Variants in PLEKHS1 observed in about 807,000 individuals in gnomAD.
PLEKHS1 encodes pleckstrin homology domain-containing family S member 1.
A neutral mutation model predicts 51.0 loss-of-function variants in PLEKHS1; 55 were observed. That is an observed-to-expected ratio of 1.08 (90% CI 0.87 to 1.35). The LOEUF (loss-of-function observed/expected upper bound fraction) is 1.35. Among genes scored for constraint, PLEKHS1 ranks in the 40% most tolerant of loss-of-function variants. The probability of loss-of-function intolerance (pLI) is 0.00; values close to 1 mark genes in which losing one functional copy is unlikely to be tolerated. For synonymous variants in PLEKHS1, 153 were observed against 144.8 expected, an observed-to-expected ratio of 1.06 and a Z score of -0.41; for missense variants, 398 against 423.0, an observed-to-expected ratio of 0.94 and a Z score of 0.52.
chr10:113,767,418 C>T (rs1319589514), exon 5 of PLEKHS1: 2 of 1,612,744 alleles, frequency 1.2e-6, no homozygotes, highest in African/African-American at 2.7e-5. Context: ...TAAATGCCAC[C>T]CTGATGAGGT....
At chr10:113,774,545 C>T (rs186500641) in intron 9 of PLEKHS1, among the ~76,000 whole-genome samples, 40 of 152,270 alleles carry the variant, frequency 2.6e-4, no homozygotes, top group Middle Eastern at 6.8e-3. Context: ...GGACCTTTTC[C>T]GTCTCCTGAG....
intron 2 of PLEKHS1, among the ~76,000 whole-genome samples, chr10:113,756,578 A>G (rs993851929): frequency 1.3e-5 from 2 of 152,236 alleles, no homozygotes; most frequent in Non-Finnish European, 2.9e-5. Flanking sequence ...TGGAGTCTGA[A>G]GAAGAAAAAG....
intron 2 of PLEKHS1, among the ~76,000 whole-genome samples, chr10:113,756,913 C>CTTTTTTTTTT (rs397845343): frequency 9.1e-6 from 1 of 109,894 alleles, no homozygotes; most frequent in Non-Finnish European, 1.8e-5. Flanking sequence ...TTAGATTGGT[C>CTTTTTTTTTT]TTTTTTTTTT....
chr10:113,772,154 C>T lies in PLEKHS1; in HGVS notation c.672+65C>T, dbSNP rs1314028835. On this transcript the variant is annotated intron_variant, in intron 8 of 11. Transcript: ENST00000361048. ...AAATATTTACTGAAACCCTGCCATG[C>T]ACTTTTCGTGCAATATTAGGCTATG... 4.5e-6 allele frequency: 7 copies of T among 1,568,944 alleles called. No individual in the cohort carries two copies. In the Middle Eastern group the frequency reaches 5.0e-4, roughly 113 times the overall value.
At chr10:113,756,039 G>T (rs531302196) in intron 2 of PLEKHS1, among the ~76,000 whole-genome samples, 1 of 152,278 alleles carries the variant, frequency 6.6e-6, no homozygotes, top group African/African-American at 2.4e-5. Flanking sequence ...ACACTTCTTT[G>T]TAGATGAGTG....
At chr10:113,775,152 G>A (rs952161724) in intron 10 of PLEKHS1, 117 bp downstream of exon 10, 18 of 947,032 alleles carry the variant, frequency 1.9e-5, no homozygotes, top group Admixed American at 2.6e-5. Flanking sequence ...CTCCAAGTCA[G>A]CCAAAAACTT....
Position 113,768,896 on chromosome 10 carries a change from T to G in PLEKHS1, c.435+6T>G. 1 of 1,603,498 alleles carries G rather than the reference T, an allele frequency of 6.2e-7. No individual in the cohort carries two copies. Among genetic ancestry groups the G allele is most frequent in the Non-Finnish European group, 8.5e-7 (1 of 1,175,486 alleles). Reference sequence around the variant, plus strand: ...CAACACAGCAGAACACAGAGGTGACTCCATATCACTAATAAAATAACAGGG... The same window carrying G: ...CAACACAGCAGAACACAGAGGTGACGCCATATCACTAATAAAATAACAGGG... On this transcript the variant is annotated splice_donor_region_variant and intron_variant, in intron 6 of 11. Coordinates refer to ENST00000361048, the Ensembl canonical transcript of PLEKHS1.
At chr10:113,766,454 A>C in exon 3 of PLEKHS1, 1 of 1,603,142 alleles carries the variant, frequency 6.2e-7, no homozygotes, top group Non-Finnish European at 8.5e-7. Flanking sequence ...TCTGCAAACA[A>C]GATTACTTTA....
At chr10:113,766,589 C>G in intron 3 of PLEKHS1, 23 bp from the exon 4 acceptor site, 4 of 1,590,056 alleles carry the variant, frequency 2.5e-6, no homozygotes, top group Non-Finnish European at 3.4e-6. Flanking sequence ...TTAACTAAGA[C>G]ATAAAATCTT....
At chr10:113,778,479 CATCTT>C (rs1325256114) in intron 11 of PLEKHS1, among the ~76,000 whole-genome samples, 2 of 152,164 alleles carry the variant, frequency 1.3e-5, no homozygotes, top group African/African-American at 4.8e-5. Context: ...ATTAAGAACA[CATCTT>C]ATCTCTTCTG....
At chr10:113,774,196 G>A (rs2134562379) in intron 8 of PLEKHS1, 31 bp from the exon 9 acceptor site, 1 of 1,356,600 alleles carries the variant, frequency 7.4e-7, no homozygotes, top group Non-Finnish European at 1.0e-6. Context: ...CGGTAAACTG[G>A]GATTCTTACA....
chr10:113,770,865 A>T (rs1844371243), intron 7 of PLEKHS1, among the ~76,000 whole-genome samples: 1 of 152,168 alleles, frequency 6.6e-6, no homozygotes, highest in African/African-American at 2.4e-5. Context: ...GCTCGAGTTA[A>T]CAGTACTGTT....
chr10:113,770,407 G>C (rs1844351873), intron 7 of PLEKHS1, among the ~76,000 whole-genome samples: 1 of 152,154 alleles, frequency 6.6e-6, no homozygotes, highest in African/African-American at 2.4e-5. Flanking sequence ...AAAATATAAT[G>C]TACCTGCCTC....
chr10:113,778,240 G>A (rs1179917180), intron 11 of PLEKHS1, among the ~76,000 whole-genome samples: 1 of 152,182 alleles, frequency 6.6e-6, no homozygotes, highest in Non-Finnish European at 1.5e-5. Context: ...CCAGGATGGA[G>A]GTGAAAGGAG....
At chr10:113,763,352 A>T (rs767934561) in intron 2 of PLEKHS1, among the ~76,000 whole-genome samples, 6 of 152,246 alleles carry the variant, frequency 3.9e-5, no homozygotes, top group Admixed American at 1.3e-4. Flanking sequence ...TGTTTCTTAC[A>T]GGCAGCATAG....
At chr10:113,777,853 G>A (rs1387616367) in intron 11 of PLEKHS1, 29 of 1,224,988 alleles carry the variant, frequency 2.4e-5, no homozygotes, top group East Asian at 2.1e-4. Flanking sequence ...TGCTGGGCAC[G>A]GTGGCTTACA....
downstream of PLEKHS1, chr10:113,783,164 G>A (rs1007868724): frequency 6.6e-6 from 1 of 151,894 alleles, no homozygotes; most frequent in African/African-American, 2.4e-5. Flanking sequence ...GAACCGGGAG[G>A]CGGAAGTTGC....
chr10:113,759,842 G>C (rs1843838458), intron 2 of PLEKHS1, among the ~76,000 whole-genome samples: 1 of 152,104 alleles, frequency 6.6e-6, no homozygotes, highest in African/African-American at 2.4e-5. Context: ...ATTCAAATTT[G>C]TTAGATTTTT....
intron 2 of PLEKHS1, among the ~76,000 whole-genome samples, chr10:113,759,347 G>A (rs527555430): frequency 2.0e-5 from 3 of 152,302 alleles, no homozygotes; most frequent in East Asian, 3.9e-4. Context: ...AGGTTGCAGT[G>A]AGCCAAGATC....
Sources: gnomAD v4.1 joint callset for allele counts (sites outside exome capture counted in the v4.1 genomes callset) on GRCh38, gnomAD v4.1.1 for gene constraint, MANE v1.5 for transcripts, NCBI Gene and HGNC (gene_info 2026-07-23, HGNC 2026-07-21) for gene names.